Variants in CNTN4 observed in about 807,000 individuals in gnomAD.
CNTN4 encodes the protein contactin-4.
CNTN4 carries 77 observed loss-of-function variants against 122.5 expected under a neutral mutation model. The observed-to-expected ratio is 0.63, with a 90% CI of 0.52 to 0.76. CNTN4 has a LOEUF of 0.76. Ranked by LOEUF, CNTN4 falls within the 30% of genes least tolerant of loss-of-function variation. The probability of loss-of-function intolerance (pLI) is 0.00; values close to 1 mark genes in which losing one functional copy is unlikely to be tolerated. For missense variants in CNTN4, 1,256 were observed against 1,259.1 expected (o/e 1.00, Z 0.04); for synonymous variants, 512 against 447.0 (o/e 1.15, Z -1.83).
chr3:2,528,048 G>C (rs1415616600), intron 3 of CNTN4, among the ~76,000 whole-genome samples: 1 of 152,088 alleles, frequency 6.6e-6, no homozygotes, highest in Non-Finnish European at 1.5e-5. Context: ...GTACTTTCAA[G>C]TTGTCACTTT....
At chr3:2,946,316 T>G (rs1474405683) in intron 13 of CNTN4, among the ~76,000 whole-genome samples, 1 of 152,192 alleles carries the variant, frequency 6.6e-6, no homozygotes. Context: ...CTGTCATGCG[T>G]GGCTTTCCAA....
intron 4 of CNTN4, among the ~76,000 whole-genome samples, chr3:2,588,110 A>G (rs771586189): frequency 2.0e-5 from 3 of 152,094 alleles, no homozygotes; most frequent in Non-Finnish European, 4.4e-5. Flanking sequence ...TCACAGCAGT[A>G]TCACTTGTTA....
At chr3:2,629,380 G>A (rs1003594286) in intron 4 of CNTN4, 4 of 293,502 alleles carry the variant, frequency 1.4e-5, no homozygotes, top group African/African-American at 9.0e-5. Context: ...TGTCACGGCA[G>A]CCTGAGCAGA....
intron 3 of CNTN4, among the ~76,000 whole-genome samples, chr3:2,352,415 A>C (rs7653540): frequency 6.6e-6 from 1 of 151,992 alleles, no homozygotes; most frequent in Non-Finnish European, 1.5e-5. Context: ...GGTGGGAACC[A>C]GGGCTGCGCA....
intron 4 of CNTN4, among the ~76,000 whole-genome samples, chr3:2,590,721 T>G (rs1362869845): frequency 3.3e-5 from 5 of 151,976 alleles, no homozygotes; most frequent in African/African-American, 1.2e-4. Context: ...TACCTGCGAT[T>G]TACTTTCTCT....
At chr3:2,967,905 AG>A (rs1402999704) in intron 13 of CNTN4, among the ~76,000 whole-genome samples, 2 of 151,652 alleles carry the variant, frequency 1.3e-5, no homozygotes, top group African/African-American at 2.4e-5. Context: ...TTAAAACAAA[AG>A]TTACAAAGTT....
intron 5 of CNTN4, 42 bp from the exon 6 acceptor site, chr3:2,745,480 T>C: frequency 6.9e-7 from 1 of 1,448,624 alleles, no homozygotes; most frequent in Middle Eastern, 1.7e-4. Context: ...AAATATTGAT[T>C]AATATGACAA....
chr3:2,664,446 T>G (rs1438390803), intron 4 of CNTN4, among the ~76,000 whole-genome samples: 1 of 150,900 alleles, frequency 6.6e-6, no homozygotes, highest in Non-Finnish European at 1.5e-5. Context: ...AGATTTTCTG[T>G]AAATTAGCAT....
intron 2 of CNTN4, among the ~76,000 whole-genome samples, chr3:2,181,678 C>T (rs566880507): frequency 6.6e-6 from 1 of 152,194 alleles, no homozygotes. Flanking sequence ...AGTTGCTTTT[C>T]ATCACTGATG....
At chr3:2,556,869 G>A (rs568818657) in intron 3 of CNTN4, among the ~76,000 whole-genome samples, 8 of 152,282 alleles carry the variant, frequency 5.3e-5, no homozygotes, top group African/African-American at 1.9e-4. Flanking sequence ...AGAGTCAGAT[G>A]TTGAAAAGAA....
chr3:2,676,070 A>C (rs956985686), intron 4 of CNTN4, among the ~76,000 whole-genome samples: 4 of 152,172 alleles, frequency 2.6e-5, no homozygotes, highest in Non-Finnish European at 4.4e-5. Flanking sequence ...AAAATAATAC[A>C]CTGGACTATT....
In CNTN4 at chr3:2,886,898, G is replaced by A. The variant is rs1577158766; in HGVS notation, c.756-142G>A. On this transcript the variant is annotated intron_variant, in intron 9 of 24. Transcript: ENST00000418658. ...TGCTAGAGATGTGGATATGATTAAA[G>A]TTATAATGGAGATAGAGGAATGAAT... The A allele has an allele frequency of 7.5e-6, 5 of 662,506 alleles. No individual in the cohort carries two copies. The East Asian group carries it at 1.1e-4, about 14-fold the overall frequency. The allele number at this position is 662,506 out of a possible 1,614,324, so 41.0% of individuals were successfully genotyped here.
chr3:2,894,549 A>G (rs1364312426), intron 10 of CNTN4, among the ~76,000 whole-genome samples: 1 of 152,192 alleles, frequency 6.6e-6, no homozygotes, highest in Non-Finnish European at 1.5e-5. Flanking sequence ...TGATGTGCAT[A>G]AAGTGAAGCT....
At chr3:2,690,707 A>G (rs2085688275) in intron 4 of CNTN4, among the ~76,000 whole-genome samples, 1 of 152,194 alleles carries the variant, frequency 6.6e-6, no homozygotes, top group Non-Finnish European at 1.5e-5. Context: ...TTTGTACAGC[A>G]CATGGACTAA....
At chr3:2,756,034 A>T (rs2090321036) in intron 6 of CNTN4, among the ~76,000 whole-genome samples, 1 of 152,200 alleles carries the variant, frequency 6.6e-6, no homozygotes. Flanking sequence ...GGGAAAAGGG[A>T]GACCACTTTC....
At chr3:2,676,211 G>A (rs573697139) in intron 4 of CNTN4, among the ~76,000 whole-genome samples, 2 of 151,874 alleles carry the variant, frequency 1.3e-5, no homozygotes, top group South Asian at 2.1e-4. Context: ...AGATGTAACC[G>A]ACTGAGTGGT....
intron 2 of CNTN4, among the ~76,000 whole-genome samples, chr3:2,319,487 C>G (rs1422360956): frequency 6.6e-6 from 1 of 152,142 alleles, no homozygotes; most frequent in Non-Finnish European, 1.5e-5. Flanking sequence ...TCTGTCACCC[C>G]AGAGACAGCA....
At chr3:2,778,155 G>A (rs6772263) in intron 6 of CNTN4, among the ~76,000 whole-genome samples, 4,299 of 104,692 alleles carry the variant, frequency 0.041, 303 homozygotes, top group South Asian at 0.058. Context: ...CGGAGCTTGT[G>A]GTGAGCCGAG....
At chr3:2,660,014 C>T (rs772330225) in intron 4 of CNTN4, among the ~76,000 whole-genome samples, 36 of 152,244 alleles carry the variant, frequency 2.4e-4, no homozygotes, top group Middle Eastern at 3.4e-3. Context: ...AATAGCATGA[C>T]GATCTGATGC....
Sources: allele counts gnomAD v4.1 joint callset (sites outside exome capture counted in the v4.1 genomes callset), GRCh38; gene constraint gnomAD v4.1.1; transcripts MANE v1.5; gene names NCBI Gene and HGNC (gene_info 2026-07-23, HGNC 2026-07-21).